Variants in CFTR observed in about 807,000 individuals in gnomAD.
The protein encoded by CFTR is cystic fibrosis transmembrane conductance regulator.
CFTR carries 181 observed loss-of-function variants against 171.6 expected under a neutral mutation model. That is an observed-to-expected ratio of 1.05 (90% CI 0.93 to 1.19). The LOEUF (loss-of-function observed/expected upper bound fraction) is 1.19, where lower values mean the gene tolerates loss of function less well. Among genes scored for constraint, CFTR ranks in the 50% most tolerant of loss-of-function variants. CFTR has a pLI of 0.00. For synonymous variants in CFTR, 583 were observed against 608.0 expected (o/e 0.96, Z 0.60); for missense variants, 1,968 against 1,734.7 (o/e 1.13, Z -2.39).
At chr7:117,506,634 A>G (rs1288744041) in intron 2 of CFTR, among the ~76,000 whole-genome samples, 9 of 152,208 alleles carry the variant, frequency 5.9e-5, no homozygotes, top group African/African-American at 2.2e-4. Context: ...ATTTGTATTT[A>G]TGGCCAGATA....
At chr7:117,544,286 A>C (rs748507910) in intron 9 of CFTR, among the ~76,000 whole-genome samples, 3 of 152,146 alleles carry the variant, frequency 2.0e-5, no homozygotes, top group Non-Finnish European at 4.4e-5. Context: ...TTATACATTT[A>C]TTGTTTAAAC....
intron 11 of CFTR, among the ~76,000 whole-genome samples, chr7:117,570,189 T>C (rs1318440380): frequency 6.8e-6 from 1 of 146,796 alleles, no homozygotes; most frequent in Non-Finnish European, 1.5e-5. Flanking sequence ...TCCATCTCCT[T>C]ACTTAAAAAA....
At chr7:117,594,788 C>T (rs1792094386) in intron 14 of CFTR, 142 bp from the exon 15 acceptor site, 6 of 722,426 alleles carry the variant, frequency 8.3e-6, no homozygotes. Flanking sequence ...TCATACATGG[C>T]ATTTATAATG....
At chr7:117,619,718 C>G (rs907620568) in intron 21 of CFTR, among the ~76,000 whole-genome samples, 2 of 152,124 alleles carry the variant, frequency 1.3e-5, no homozygotes, top group Non-Finnish European at 2.9e-5. Flanking sequence ...CTGTGTGTTT[C>G]TAATAACATA....
chr7:117,666,874 C>A (rs1202098323), intron 26 of CFTR, 34 bp from the exon 27 acceptor site: 1 of 1,600,138 alleles, frequency 6.2e-7, no homozygotes, highest in Non-Finnish European at 8.6e-7. Flanking sequence ...GACCTGCCTT[C>A]TGTCCCAGAT....
intron 21 of CFTR, among the ~76,000 whole-genome samples, chr7:117,616,939 A>G (rs921520373): frequency 6.6e-6 from 1 of 152,166 alleles, no homozygotes; most frequent in Non-Finnish European, 1.5e-5. Flanking sequence ...AAACTTATAC[A>G]GTAACTTTTT....
chr7:117,648,825 C>G (rs916681555), intron 23 of CFTR, among the ~76,000 whole-genome samples: 1 of 152,052 alleles, frequency 6.6e-6, no homozygotes, highest in African/African-American at 2.4e-5. Flanking sequence ...GTGCCAGGTA[C>G]TATTTGTAAT....
intron 21 of CFTR, among the ~76,000 whole-genome samples, chr7:117,623,495 C>G (rs1216944573): frequency 7.2e-5 from 11 of 152,128 alleles, no homozygotes; most frequent in Non-Finnish European, 1.3e-4. Flanking sequence ...TTTTATGTAT[C>G]AGGTGAAAAT....
rs966204957 is a variant in CFTR, at chr7:117,492,431, G to A, written c.54-11822G>A. On this transcript the variant is annotated intron_variant, in intron 1 of 26. Coordinates refer to ENST00000003084, the MANE Select transcript of CFTR (RefSeq NM_000492.4). ...TATTTGCAATCAGTGTCATCATGTGGGCTCCAAACATATCATGTTTGTGTA... is the reference window on the plus strand; with the variant it reads ...TATTTGCAATCAGTGTCATCATGTGAGCTCCAAACATATCATGTTTGTGTA... Among the ~76,000 whole-genome samples the A allele has an allele frequency of 2.6e-5, 4 of 151,694 alleles. No homozygotes were observed. In the South Asian group the frequency reaches 8.3e-4, roughly 32 times the overall value.
Position 117,592,346 on chromosome 7 carries a change from G to T in CFTR, c.2179G>T (p.Asp727Tyr), listed in dbSNP as rs1792043487. ...TPLQMNGIEE[D>Y]SDEPLERRLS... ...CTTACAAATGAATGGCATCGAAGAGGATTCTGATGAGCCTTTAGAGAGAAG... is the reference window on the plus strand; with the variant it reads ...CTTACAAATGAATGGCATCGAAGAGTATTCTGATGAGCCTTTAGAGAGAAG... Residue 727 changes from aspartate (D) to tyrosine (Y), a missense_variant, in exon 14 of 27, where the codon GAT (aspartate) becomes TAT (tyrosine). By Grantham distance (160) the Asp-to-Tyr change is radical. Coordinates refer to ENST00000003084, the MANE Select transcript of CFTR (RefSeq NM_000492.4). 1 of 1,614,146 alleles carries T rather than the reference G, an allele frequency of 6.2e-7. No individual in the cohort carries two copies. The highest frequency in any genetic ancestry group is 8.5e-7 in the Non-Finnish European group (1 of 1,179,998).
In CFTR at chr7:117,535,525, ATTTTTTTTTT is replaced by A. The variant is rs764945997; in HGVS notation, c.743+127_743+136del. The A allele has an allele frequency of 2.3e-4, 114 of 500,394 alleles. No individual in the cohort carries two copies. In the African/African-American group the frequency reaches 2.5e-3, roughly 11 times the overall value. The allele number at this position is 500,394 out of a possible 1,614,324, so 31.0% of individuals were successfully genotyped here. ...GAACAGTGATCTTCAGTGTCATTAA[ATTTTTTTTTT>A]TTTTTTTTTTTTGAGACAGAGTCTA... On this transcript the variant is annotated intron_variant, in intron 6 of 26. Coordinates refer to ENST00000003084, the MANE Select transcript of CFTR (RefSeq NM_000492.4).
chr7:117,659,077 G>A (rs901785697), intron 24 of CFTR, among the ~76,000 whole-genome samples: 5 of 151,990 alleles, frequency 3.3e-5, no homozygotes, highest in Non-Finnish European at 7.4e-5. Flanking sequence ...AATTTCTTTG[G>A]TTCTCTAAAG....
intron 15 of CFTR, 86 bp downstream of exon 15, chr7:117,595,144 T>C (rs201627905): frequency 3.2e-5 from 14 of 439,084 alleles, no homozygotes; most frequent in Non-Finnish European, 4.5e-5. Flanking sequence ...TGCACACACA[T>C]AAATATGTAT....
At chr7:117,645,146 C>A (rs1248088707) in intron 23 of CFTR, among the ~76,000 whole-genome samples, 1 of 152,080 alleles carries the variant, frequency 6.6e-6, no homozygotes, top group Admixed American at 6.6e-5. Context: ...ATATCAAATG[C>A]GACCAAAACA....
intron 23 of CFTR, among the ~76,000 whole-genome samples, chr7:117,645,612 C>G (rs1792986022): frequency 6.6e-6 from 1 of 151,894 alleles, no homozygotes; most frequent in African/African-American, 2.4e-5. Context: ...TCCCTTGCAT[C>G]CCTCCATTAT....
intron 22 of CFTR, among the ~76,000 whole-genome samples, chr7:117,630,177 T>A (rs1372351530): frequency 6.6e-6 from 1 of 152,232 alleles, no homozygotes; most frequent in Non-Finnish European, 1.5e-5. Context: ...ATTTTGTTTT[T>A]ATAATTCTAT....
intron 22 of CFTR, among the ~76,000 whole-genome samples, chr7:117,632,353 C>T (rs1373394855): frequency 6.6e-6 from 1 of 151,918 alleles, no homozygotes; most frequent in Non-Finnish European, 1.5e-5. Flanking sequence ...CACTTGAGCC[C>T]TGGAGTTCTA....
chr7:117,557,026 T>C (rs1043045422), intron 10 of CFTR, among the ~76,000 whole-genome samples: 1 of 152,076 alleles, frequency 6.6e-6, no homozygotes, highest in Non-Finnish European at 1.5e-5. Flanking sequence ...GTTGTTTTTC[T>C]AGTTTTTGAG....
rs184604201 is a variant in CFTR, at chr7:117,586,815, C to A, written c.1585-924C>A. On this transcript the variant is annotated intron_variant, in intron 11 of 26. Transcript: ENST00000003084. ...GCGAGAGTTTACTACCTATCTAACT[C>A]TTCGCATTCTTGAAGTCTCAGACCA... Among the ~76,000 whole-genome samples the A allele has an allele frequency of 4.4e-3, 665 of 151,820 alleles. 5 individuals are homozygous for A. The highest frequency in any genetic ancestry group is 5.5e-3 in the Non-Finnish European group (376 of 67,930).
Sources: allele counts gnomAD v4.1 joint callset (sites outside exome capture counted in the v4.1 genomes callset), GRCh38; gene constraint gnomAD v4.1.1; transcripts MANE v1.5; gene names NCBI Gene and HGNC (gene_info 2026-07-23, HGNC 2026-07-21).